The following CLMP variants were observed in gnomAD, a reference collection of about 807,000 sequenced individuals.
CLMP encodes CXADR like cell adhesion molecule, also known as CXADR-like membrane protein.
In CLMP, 27 loss-of-function variants were observed where a neutral mutation model predicts 45.2. The ratio of observed to expected loss-of-function variants is 0.60; its 90% CI spans 0.44 to 0.82. The LOEUF (loss-of-function observed/expected upper bound fraction) is 0.82. Ranked by LOEUF, CLMP falls within the 40% of genes least tolerant of loss-of-function variation. The pLI is 0.00. For missense variants in CLMP, 403 were observed against 448.4 expected (o/e 0.90, Z 0.91); for synonymous variants, 167 against 171.4 (o/e 0.97, Z 0.20).
intron 1 of CLMP, among the ~76,000 whole-genome samples, chr11:123,105,974 G>A (rs12279824): frequency 0.097 from 14,711 of 151,744 alleles, 817 homozygotes; most frequent in East Asian, 0.16. Context: ...ACGCCACCAC[G>A]CCTGGCTAAT....
rs76194217 is a variant in CLMP, at chr11:123,161,998, G to T, written c.28+32915C>A. Among the ~76,000 whole-genome samples, 509 of 152,322 alleles carry T rather than the reference G, an allele frequency of 3.3e-3. 12 individuals carry two copies. In the East Asian group the frequency reaches 0.05, roughly 15 times the overall value. ...ACAGAGAACCTTGATGTGGAGCTAG[G>T]ATTGAGAACCCCTGTGCTGGCAACA... On this transcript the variant is annotated intron_variant, in intron 1 of 6. Transcript: ENST00000448775.
intron 1 of CLMP, among the ~76,000 whole-genome samples, chr11:123,113,495 C>T (rs767817871): frequency 1.3e-5 from 2 of 152,152 alleles, no homozygotes; most frequent in Non-Finnish European, 2.9e-5. Context: ...TTGAAGAGTA[C>T]GTTAGAATTT....
chr11:123,148,502 T>C lies in CLMP; in HGVS notation c.28+46411A>G, dbSNP rs560271045. ...TAAATTTACATGTCCACAAAATAAGTTGGTTCCCGTTCTATTTTTCTTCTG... is the reference window on the plus strand; with the variant it reads ...TAAATTTACATGTCCACAAAATAAGCTGGTTCCCGTTCTATTTTTCTTCTG... On this transcript the variant is annotated intron_variant, in intron 1 of 6. Coordinates refer to ENST00000448775, the MANE Select transcript of CLMP (RefSeq NM_024769.5). Among the ~76,000 whole-genome samples, 45 of 152,356 alleles carry C rather than the reference T, an allele frequency of 3.0e-4. 2 individuals are homozygous for C. In the South Asian group the frequency reaches 6.4e-3, roughly 22 times the overall value.
chr11:123,169,483 G>C (rs1017897116), intron 1 of CLMP, among the ~76,000 whole-genome samples: 5 of 152,146 alleles, frequency 3.3e-5, no homozygotes, highest in African/African-American at 9.7e-5. Flanking sequence ...GCCTAGGTCT[G>C]ACTGAGGTCA....
chr11:123,193,523 A>G (rs1419408360), intron 1 of CLMP, among the ~76,000 whole-genome samples: 1 of 152,174 alleles, frequency 6.6e-6, no homozygotes, highest in Non-Finnish European at 1.5e-5. Context: ...GTTAAGTCTA[A>G]AAGAGTTTAG....
intron 1 of CLMP, among the ~76,000 whole-genome samples, chr11:123,162,270 G>A (rs1054189445): frequency 3.3e-5 from 5 of 152,198 alleles, no homozygotes; most frequent in African/African-American, 1.2e-4. Context: ...CAGCGACTCA[G>A]CTTTGAAGAA....
chr11:123,089,647 G>A (rs957936616), intron 2 of CLMP, among the ~76,000 whole-genome samples: 2 of 150,936 alleles, frequency 1.3e-5, no homozygotes, highest in Admixed American at 1.3e-4. Context: ...TGTGGTGGCG[G>A]GCGCCCGTAG....
intron 1 of CLMP, among the ~76,000 whole-genome samples, chr11:123,150,333 T>C (rs1183091678): frequency 6.7e-6 from 1 of 149,628 alleles, no homozygotes; most frequent in Non-Finnish European, 1.5e-5. Flanking sequence ...AGGAAGATCT[T>C]CCATGGTCAG....
At chr11:123,149,686 C>A (rs553933749) in intron 1 of CLMP, among the ~76,000 whole-genome samples, 1 of 152,290 alleles carries the variant, frequency 6.6e-6, no homozygotes, top group African/African-American at 2.4e-5. Context: ...GGCCTGAGAA[C>A]TTTGTGCATC....
In CLMP at chr11:123,175,105, C is replaced by G. The variant is rs186322963; in HGVS notation, c.28+19808G>C. Reference sequence around the variant, plus strand: ...AGTAGCCGGGACTGTGGGCCTGCACCACCATGCCTGACTTATTAAAAAAAA... The same window carrying G: ...AGTAGCCGGGACTGTGGGCCTGCACGACCATGCCTGACTTATTAAAAAAAA... On this transcript the variant is annotated intron_variant, in intron 1 of 6. Transcript: ENST00000448775. Among the ~76,000 whole-genome samples the G allele has an allele frequency of 4.3e-3, 655 of 152,208 alleles. 4 individuals are homozygous for G. The highest frequency in any genetic ancestry group is 0.014 in the African/African-American group (567 of 41,526).
chr11:123,084,499 C>T lies in CLMP; in HGVS notation c.388+13G>A, dbSNP rs754068502. ...AATAAGCTGTAGACATTCACTTTGG[C>T]ATCCTATCTTACCTAAGACTTTTAA... On this transcript the variant is annotated intron_variant, in intron 3 of 6. Transcript: ENST00000448775. 1 of 1,607,892 alleles carries T rather than the reference C, an allele frequency of 6.2e-7. No individual in the cohort carries two copies. Among genetic ancestry groups the T allele is most frequent in the South Asian group, 1.1e-5 (1 of 90,960 alleles).
chr11:123,128,603 T>G (rs1860936518), intron 1 of CLMP, among the ~76,000 whole-genome samples: 1 of 152,100 alleles, frequency 6.6e-6, no homozygotes, highest in Admixed American at 6.5e-5. Context: ...GAGGCTGCAG[T>G]GAGCTATGAT....
chr11:123,166,329 A>T (rs1861555995), intron 1 of CLMP, among the ~76,000 whole-genome samples: 1 of 152,160 alleles, frequency 6.6e-6, no homozygotes, highest in Non-Finnish European at 1.5e-5. Flanking sequence ...CTTCAGAGAG[A>T]TTGACTATAA....
intron 1 of CLMP, among the ~76,000 whole-genome samples, chr11:123,182,704 C>T (rs930805725): frequency 6.6e-6 from 1 of 152,206 alleles, no homozygotes; most frequent in South Asian, 2.1e-4. Context: ...CACTGTGACA[C>T]TCCAGCCCGA....
chr11:123,089,508 G>A (rs1865901763), intron 2 of CLMP, among the ~76,000 whole-genome samples: 1 of 152,164 alleles, frequency 6.6e-6, no homozygotes, highest in Non-Finnish European at 1.5e-5. Flanking sequence ...GCTCATGCCT[G>A]TAATCCCAGC....
At chr11:123,118,388 G>A (rs1276500766) in intron 1 of CLMP, among the ~76,000 whole-genome samples, 1 of 152,144 alleles carries the variant, frequency 6.6e-6, no homozygotes, top group Non-Finnish European at 1.5e-5. Flanking sequence ...TCCTGCCTTG[G>A]CCTCCCAAAG....
At chr11:123,163,791 G>C (rs564732878) in intron 1 of CLMP, among the ~76,000 whole-genome samples, 24 of 152,198 alleles carry the variant, frequency 1.6e-4, no homozygotes, top group Non-Finnish European at 8.8e-5. Context: ...TGGAGGCTGA[G>C]AGGGCCAGAC....
chr11:123,140,703 G>T (rs920182216), intron 1 of CLMP, among the ~76,000 whole-genome samples: 35 of 152,174 alleles, frequency 2.3e-4, no homozygotes, highest in African/African-American at 8.4e-4. Flanking sequence ...TGCTGTGGGA[G>T]GGTTTCGTGC....
chr11:123,086,459 G>C (rs1277482041), intron 2 of CLMP, among the ~76,000 whole-genome samples: 1 of 152,202 alleles, frequency 6.6e-6, no homozygotes, highest in Non-Finnish European at 1.5e-5. Context: ...TTCAGCTGCA[G>C]CTGTTCCAAA....
Sources: gnomAD v4.1 joint callset for allele counts (sites outside exome capture counted in the v4.1 genomes callset) on GRCh38, gnomAD v4.1.1 for gene constraint, MANE v1.5 for transcripts, NCBI Gene and HGNC (gene_info 2026-07-23, HGNC 2026-07-21) for gene names.